The following ACTN1 variants were observed in gnomAD, a reference collection of about 807,000 sequenced individuals.
ACTN1 encodes the protein actinin alpha 1, also known as alpha-actinin-1.
ACTN1 carries 30 observed loss-of-function variants against 119.6 expected under a neutral mutation model. The ratio of observed to expected loss-of-function variants is 0.25; its 90% CI spans 0.19 to 0.34. ACTN1 has a LOEUF of 0.34. ACTN1 is among the 10% of genes least tolerant of loss of function. The pLI is 1.00. For missense variants in ACTN1, 764 were observed against 1,223.4 expected (o/e 0.62, Z 5.60); for synonymous variants, 429 against 472.6 (o/e 0.91, Z 1.20).
intron 8 of ACTN1, among the ~76,000 whole-genome samples, chr14:68,900,582 C>T (rs1207120872): frequency 3.3e-5 from 5 of 151,958 alleles, no homozygotes; most frequent in African/African-American, 4.8e-5. Flanking sequence ...GCTCTTGATG[C>T]GGGGTGCAGG....
At chr14:68,948,125 C>G (rs1364011117) in intron 1 of ACTN1, among the ~76,000 whole-genome samples, 4 of 152,184 alleles carry the variant, frequency 2.6e-5, no homozygotes, top group Non-Finnish European at 5.9e-5. Context: ...AGAAAGCACA[C>G]AGAGGTCCTA....
chr14:68,968,572 A>C (rs1160171592), intron 1 of ACTN1, among the ~76,000 whole-genome samples: 1 of 152,234 alleles, frequency 6.6e-6, no homozygotes, highest in African/African-American at 2.4e-5. Flanking sequence ...ACAGCGGTTA[A>C]CTCCGGTGAG....
chr14:68,945,589 A>C (rs2035919684), intron 1 of ACTN1, among the ~76,000 whole-genome samples: 1 of 152,248 alleles, frequency 6.6e-6, no homozygotes. Flanking sequence ...AAAAGGTCCC[A>C]GCCAGAGACA....
intron 2 of ACTN1, among the ~76,000 whole-genome samples, chr14:68,924,175 C>T (rs376645129): frequency 5.3e-5 from 8 of 152,106 alleles, no homozygotes; most frequent in Non-Finnish European, 8.8e-5. Context: ...GATGAAGAGC[C>T]CTGAAGGTGG....
rs941953822 is a variant in ACTN1 at position 68,885,380 on chromosome 14, G to A, written c.1385+45C>T. On this transcript the variant is annotated intron_variant, in intron 12 of 21. Coordinates refer to ENST00000394419, the MANE Select transcript of ACTN1 (RefSeq NM_001130004.2). This position sits in a 1 kb window ranked among gnomAD's most constrained non-coding sequence, Gnocchi z 5.6. The stretch of plus-strand genomic sequence containing the variant: ...CTCCCCCAGCAGCTGAGAAAGCCCA[G>A]CCTCAGCCCCTCACCACAGGGTAGG... The A allele has an allele frequency of 2.1e-6, 3 of 1,441,308 alleles. No individual in the cohort carries two copies. Among genetic ancestry groups the A allele is most frequent in the Non-Finnish European group, 2.8e-6 (3 of 1,075,304 alleles). 89.3% of individuals were successfully genotyped at this position (1,441,308 alleles called of 1,614,324 possible). A position where few individuals can be genotyped will look rare whatever the true frequency, so the allele number is the denominator to read the frequency against.
In ACTN1 at chr14:68,879,936, A is replaced by G. The variant is rs763286612; in HGVS notation, c.2280+26T>C. The G allele has an allele frequency of 2.5e-6, 4 of 1,611,312 alleles. No individual in the cohort carries two copies. The Admixed American group carries it at 6.7e-5, about 27-fold the overall frequency. On this transcript the variant is annotated intron_variant, in intron 18 of 21. Transcript: ENST00000394419. This position sits in a 1 kb window ranked among gnomAD's most constrained non-coding sequence, Gnocchi z 4.9. Reference sequence around the variant, plus strand: ...TGGGGCAGGGGTTGGGGGCTGCACTAAGAAAGCACAGGATGGGGCTCTCAC... The same window carrying G: ...TGGGGCAGGGGTTGGGGGCTGCACTGAGAAAGCACAGGATGGGGCTCTCAC...
intron 8 of ACTN1, 66 bp downstream of exon 8, chr14:68,902,411 G>T: frequency 7.3e-7 from 1 of 1,364,746 alleles, no homozygotes; most frequent in Non-Finnish European, 1.0e-6. Context: ...AGGCGGGCAG[G>T]AGGACATGGT....
chr14:68,881,028 ACT>A (rs2031460099), intron 16 of ACTN1, 39 bp from the exon 17 acceptor site: 1 of 1,606,500 alleles, frequency 6.2e-7, no homozygotes. Flanking sequence ...AGACCACCTC[ACT>A]CTGCTCCCAT....
Position 68,925,715 on chromosome 14 carries a change from T to C in ACTN1, c.106-43A>G. ...GGGCAAGTGGTCAGGGGGCTGGTGT[T>C]GTCACCCTCATTGGACAAGCCATTT... On this transcript the variant is annotated intron_variant, in intron 1 of 21. Coordinates refer to ENST00000394419, the MANE Select transcript of ACTN1 (RefSeq NM_001130004.2). The surrounding 1 kb of genome is among the most constrained non-coding windows in gnomAD (Gnocchi z 4.3). 3.9e-6 allele frequency: 6 copies of C among 1,531,798 alleles called. No individual in the cohort carries two copies. Among genetic ancestry groups the C allele is most frequent in the Non-Finnish European group, 5.4e-6 (6 of 1,112,988 alleles). The allele number at this position is 1,531,798 out of a possible 1,614,324, so 94.9% of individuals were successfully genotyped here. A position where few individuals can be genotyped will look rare whatever the true frequency, so the allele number is the denominator to read the frequency against.
intron 1 of ACTN1, among the ~76,000 whole-genome samples, chr14:68,939,495 G>A (rs972121514): frequency 6.6e-6 from 1 of 152,230 alleles, no homozygotes; most frequent in African/African-American, 2.4e-5. Flanking sequence ...GTAGTCACGA[G>A]GGAGGGCTAT....
chr14:68,961,901 C>A (rs541390671), intron 1 of ACTN1, among the ~76,000 whole-genome samples: 1 of 152,174 alleles, frequency 6.6e-6, no homozygotes, highest in Non-Finnish European at 1.5e-5. Context: ...ACTACCCCCA[C>A]GCCCGACCGA....
Position 68,878,710 on chromosome 14 carries a change from A to G in ACTN1, c.2362-187T>C, listed in dbSNP as rs2031177801. On this transcript the variant is annotated intron_variant, in intron 19 of 21. Coordinates refer to ENST00000394419, the MANE Select transcript of ACTN1 (RefSeq NM_001130004.2). The surrounding 1 kb of genome is among the most constrained non-coding windows in gnomAD (Gnocchi z 4.4). ...CACACATCGGTGGAAATGTCCAAAG[A>G]CAGGAGGAAGACAGAGCAGGGAGAT... 4 of 1,537,086 alleles carry G rather than the reference A, an allele frequency of 2.6e-6. No homozygotes were observed. Among genetic ancestry groups the G allele is most frequent in the Non-Finnish European group, 3.5e-6 (4 of 1,147,006 alleles).
At chr14:68,920,638 C>T (rs996560986) in intron 3 of ACTN1, among the ~76,000 whole-genome samples, 3 of 152,178 alleles carry the variant, frequency 2.0e-5, no homozygotes, top group African/African-American at 7.2e-5. Flanking sequence ...CCTCCACCAG[C>T]CTGTGTCTGC....
chr14:68,949,651 C>T (rs2036063762), intron 1 of ACTN1, among the ~76,000 whole-genome samples: 1 of 152,220 alleles, frequency 6.6e-6, no homozygotes, highest in Non-Finnish European at 1.5e-5. Context: ...GGTATTTGTA[C>T]ACCCACATTC....
At chr14:68,959,281 G>A (rs972462521) in intron 1 of ACTN1, among the ~76,000 whole-genome samples, 1 of 152,198 alleles carries the variant, frequency 6.6e-6, no homozygotes, top group African/African-American at 2.4e-5. Context: ...CCACAGAAAT[G>A]CCTTCCTACA....
At chr14:68,884,388 A>C in intron 13 of ACTN1, 80 bp from the exon 14 acceptor site, 1 of 1,501,408 alleles carries the variant, frequency 6.7e-7, no homozygotes, top group Non-Finnish European at 9.0e-7. Flanking sequence ...CCTCCTGGTG[A>C]GCCCCAGGTC....
chr14:68,921,679 G>A (rs1420825813), intron 2 of ACTN1, among the ~76,000 whole-genome samples: 5 of 152,138 alleles, frequency 3.3e-5, no homozygotes, highest in African/African-American at 1.2e-4. Flanking sequence ...ACATGCAAAG[G>A]CCCTGAACTC....
intron 1 of ACTN1, among the ~76,000 whole-genome samples, chr14:68,967,679 G>A (rs917929111): frequency 3.5e-4 from 53 of 152,268 alleles, no homozygotes; most frequent in Admixed American, 1.4e-3. Context: ...GGCAATGGCC[G>A]AGTGGCTGAG....
At chr14:68,962,981 T>C (rs2036588164) in intron 1 of ACTN1, among the ~76,000 whole-genome samples, 2 of 152,292 alleles carry the variant, frequency 1.3e-5, no homozygotes, top group East Asian at 3.9e-4. Flanking sequence ...TCCTCACTGT[T>C]GCCCACTCCC....
Sources: allele counts gnomAD v4.1 joint callset (sites outside exome capture counted in the v4.1 genomes callset), GRCh38; gene constraint gnomAD v4.1.1; non-coding constraint Gnocchi (gnomAD v3.1); transcripts MANE v1.5; gene names NCBI Gene and HGNC (gene_info 2026-07-23, HGNC 2026-07-21).